Variants in SCFD2 observed in about 807,000 individuals in gnomAD.
The protein encoded by SCFD2 is sec1 family domain-containing protein 2.
SCFD2 carries 54 observed loss-of-function variants against 58.9 expected under a neutral mutation model. The ratio of observed to expected loss-of-function variants is 0.92; its 90% CI spans 0.74 to 1.15. The LOEUF is 1.15. Ranked by LOEUF, SCFD2 falls within the 50% of genes most tolerant of loss-of-function variation. The pLI, the probability that SCFD2 is intolerant of heterozygous loss-of-function variation, is 0.00. For synonymous variants in SCFD2, 321 were observed against 335.9 expected (o/e 0.96, Z 0.49); for missense variants, 805 against 836.6 (o/e 0.96, Z 0.47).
At chr4:53,009,470 A>T (rs942294934) in intron 5 of SCFD2, among the ~76,000 whole-genome samples, 1 of 152,222 alleles carries the variant, frequency 6.6e-6, no homozygotes, top group African/African-American at 2.4e-5. Context: ...GAGATTTTCA[A>T]ACTTACTTGG....
intron 5 of SCFD2, among the ~76,000 whole-genome samples, chr4:52,975,165 C>G (rs1198691934): frequency 6.6e-6 from 1 of 152,094 alleles, no homozygotes; most frequent in African/African-American, 2.4e-5. Flanking sequence ...CCAAAATTGA[C>G]AAATGGGATC....
intron 3 of SCFD2, among the ~76,000 whole-genome samples, chr4:53,283,714 G>T (rs373305804): frequency 6.6e-6 from 1 of 151,706 alleles, no homozygotes; most frequent in East Asian, 2.0e-4. Context: ...GATTACAGGC[G>T]CCCACCACCA....
chr4:53,024,400 C>A (rs1024873704), intron 5 of SCFD2, among the ~76,000 whole-genome samples: 4 of 152,048 alleles, frequency 2.6e-5, no homozygotes, highest in Admixed American at 2.6e-4. Context: ...ATGGCATAAT[C>A]AACTTGGAGG....
chr4:53,244,526 A>T, intron 4 of SCFD2, among the ~76,000 whole-genome samples: 1 of 152,164 alleles, frequency 6.6e-6, no homozygotes, highest in East Asian at 1.9e-4. Context: ...GCAAAAATCA[A>T]GAAGTTCTCT....
chr4:53,342,567 A>G (rs1733915684), intron 2 of SCFD2, among the ~76,000 whole-genome samples: 1 of 152,208 alleles, frequency 6.6e-6, no homozygotes, highest in Admixed American at 6.5e-5. Flanking sequence ...AAAGTTAACA[A>G]GGATATCCAG....
intron 5 of SCFD2, among the ~76,000 whole-genome samples, chr4:53,096,496 G>T (rs1244289361): frequency 2.0e-5 from 3 of 152,278 alleles, no homozygotes; most frequent in Non-Finnish European, 2.9e-5. Context: ...TCATGTGTCT[G>T]TTGGCTGCAT....
intron 4 of SCFD2, among the ~76,000 whole-genome samples, chr4:53,223,122 T>C (rs1470142419): frequency 6.6e-6 from 1 of 152,152 alleles, no homozygotes; most frequent in African/African-American, 2.4e-5. Flanking sequence ...CTGAAAAAAA[T>C]ATATAAATCA....
intron 2 of SCFD2, among the ~76,000 whole-genome samples, chr4:53,334,830 C>T (rs1356203506): frequency 1.3e-5 from 2 of 152,114 alleles, no homozygotes; most frequent in Admixed American, 6.5e-5. Context: ...TCTCAAAATG[C>T]CTTCTTTATT....
chr4:53,334,431 A>T (rs1426290646), intron 2 of SCFD2, among the ~76,000 whole-genome samples: 1 of 151,796 alleles, frequency 6.6e-6, no homozygotes, highest in Non-Finnish European at 1.5e-5. Context: ...ATAAAAAATG[A>T]TGAGTTCATG....
intron 5 of SCFD2, among the ~76,000 whole-genome samples, chr4:53,130,736 T>C (rs1229220762): frequency 6.6e-6 from 1 of 152,148 alleles, no homozygotes; most frequent in Admixed American, 6.6e-5. Flanking sequence ...TTTTCGTGGG[T>C]TGCTATTCTA....
intron 5 of SCFD2, among the ~76,000 whole-genome samples, chr4:52,924,722 T>TAC (rs370645313): frequency 9.9e-5 from 15 of 151,978 alleles, no homozygotes; most frequent in Admixed American, 5.2e-4. Flanking sequence ...TAATGAAAGT[T>TAC]ACACACACAC....
At chr4:52,902,143 G>A (rs1421332213) in intron 7 of SCFD2, among the ~76,000 whole-genome samples, 5 of 152,204 alleles carry the variant, frequency 3.3e-5, no homozygotes. Flanking sequence ...TGAGTAGCTT[G>A]GGGCTTCTGC....
chr4:52,972,405 C>T (rs1007317575), intron 5 of SCFD2, among the ~76,000 whole-genome samples: 8 of 152,024 alleles, frequency 5.3e-5, no homozygotes, highest in Non-Finnish European at 8.8e-5. Context: ...CAACAAAGAT[C>T]AAAAGAGACA....
intron 5 of SCFD2, among the ~76,000 whole-genome samples, chr4:53,093,159 C>CT (rs1321104038): frequency 2.6e-5 from 4 of 151,864 alleles, no homozygotes; most frequent in East Asian, 1.9e-4. Flanking sequence ...TGGATTTTGA[C>CT]TTTTTTTTGC....
chr4:53,262,259 G>A (rs1351655375), intron 4 of SCFD2, among the ~76,000 whole-genome samples: 2 of 152,092 alleles, frequency 1.3e-5, no homozygotes, highest in East Asian at 3.8e-4. Context: ...TTCAATGTTA[G>A]TATTAAGATG....
chr4:53,034,114 C>T (rs896227703), intron 5 of SCFD2, among the ~76,000 whole-genome samples: 36 of 152,228 alleles, frequency 2.4e-4, no homozygotes, highest in African/African-American at 8.4e-4. Flanking sequence ...GCTTATCCAC[C>T]ATGATCAAGT....
chr4:52,980,036 C>T (rs1721341340), intron 5 of SCFD2, among the ~76,000 whole-genome samples: 2 of 152,208 alleles, frequency 1.3e-5, no homozygotes, highest in Non-Finnish European at 2.9e-5. Flanking sequence ...ACACTGACTA[C>T]AAAGTGAATG....
intron 3 of SCFD2, among the ~76,000 whole-genome samples, chr4:53,298,904 C>G (rs1315508139): frequency 2.0e-5 from 3 of 152,164 alleles, no homozygotes; most frequent in Non-Finnish European, 4.4e-5. Flanking sequence ...AGAAGGAAAA[C>G]TAACAAAGAG....
At chr4:53,332,420 C>A (rs1408911972) in intron 2 of SCFD2, among the ~76,000 whole-genome samples, 2 of 151,638 alleles carry the variant, frequency 1.3e-5, no homozygotes, top group Non-Finnish European at 2.9e-5. Context: ...GGCTTCATCC[C>A]TGGGATGCAA....
Sources: allele counts gnomAD v4.1 joint callset (sites outside exome capture counted in the v4.1 genomes callset), GRCh38; gene constraint gnomAD v4.1.1; transcripts MANE v1.5; gene names NCBI Gene and HGNC (gene_info 2026-07-23, HGNC 2026-07-21).